NEURL1B: variants seen among roughly 807,000 people sequenced by gnomAD.
NEURL1B encodes the protein E3 ubiquitin-protein ligase NEURL1B.
NEURL1B carries 13 observed loss-of-function variants against 37.4 expected under a neutral mutation model. That is an observed-to-expected ratio of 0.35 (90% CI 0.23 to 0.55). NEURL1B has a LOEUF of 0.55. Among genes scored for constraint, NEURL1B ranks in the 20% least tolerant of loss-of-function variants. The pLI is 0.89. For synonymous variants in NEURL1B, 432 were observed against 426.6 expected (o/e 1.01, Z -0.16); for missense variants, 790 against 879.2 (o/e 0.90, Z 1.28).
intron 1 of NEURL1B, among the ~76,000 whole-genome samples, chr5:172,652,576 C>G (rs1757687508): frequency 6.6e-6 from 1 of 152,158 alleles, no homozygotes; most frequent in Non-Finnish European, 1.5e-5. Context: ...AACGTTGGAC[C>G]AACTACGGCA....
chr5:172,682,925 G>A (rs898942453), intron 2 of NEURL1B, among the ~76,000 whole-genome samples: 1 of 152,220 alleles, frequency 6.6e-6, no homozygotes, highest in Non-Finnish European at 1.5e-5. Flanking sequence ...CAGAGTGGTT[G>A]TGTAAATTAA....
rs1758643926 is a variant in NEURL1B at position 172,691,034 on chromosome 5, C to T, written c.*4109C>T. 2 of 152,172 alleles carry T rather than the reference C, an allele frequency of 1.3e-5. No individual in the cohort carries two copies. Among genetic ancestry groups the T allele is most frequent in the South Asian group, 2.1e-4 (1 of 4,828 alleles). The allele number at this position is 152,172 out of a possible 1,614,324, so 9.4% of individuals were successfully genotyped here. A position where few individuals can be genotyped will look rare whatever the true frequency, so the allele number is the denominator to read the frequency against. ...GAACATGCGGCCTCCTGGCATTTCT[C>T]GGTATTTAACTGTCTCGCTGTCTTA... is the stretch of plus-strand genomic sequence containing the variant. On this transcript the variant is annotated 3_prime_UTR_variant, in exon 5 of 5. Coordinates refer to ENST00000369800, the MANE Select transcript of NEURL1B (RefSeq NM_001142651.3).
intron 1 of NEURL1B, among the ~76,000 whole-genome samples, chr5:172,654,698 A>C (rs1195303397): frequency 6.6e-6 from 1 of 151,240 alleles, no homozygotes; most frequent in Admixed American, 6.6e-5. Flanking sequence ...CTACAGATTG[A>C]ATGTATTTGG....
At position 172,684,192 on chromosome 5, in the gene NEURL1B, G is replaced by T. The variant is rs1224065779; in HGVS notation, c.1297+54G>T. 1.7e-5 allele frequency: 18 copies of T among 1,042,672 alleles called. 1 individual carries two copies. The African/African-American group carries it at 3.3e-4, about 19-fold the overall frequency. 64.6% of individuals were successfully genotyped at this position (1,042,672 alleles called of 1,614,324 possible). A position where few individuals can be genotyped will look rare whatever the true frequency, so the allele number is the denominator to read the frequency against. On this transcript the variant is annotated intron_variant, in intron 3 of 4. Coordinates refer to ENST00000369800, the MANE Select transcript of NEURL1B (RefSeq NM_001142651.3). Reference sequence around the variant, plus strand: ...CCCCGCCCCTCCCCCGTCCCGTGCCGTCTCACCCCGCTGCGCTCTTCCCCG... The same window carrying T: ...CCCCGCCCCTCCCCCGTCCCGTGCCTTCTCACCCCGCTGCGCTCTTCCCCG...
intron 1 of NEURL1B, among the ~76,000 whole-genome samples, chr5:172,646,955 C>T (rs1320080012): frequency 6.6e-6 from 1 of 151,096 alleles, no homozygotes; most frequent in African/African-American, 2.4e-5. Flanking sequence ...AGGCGGGGGC[C>T]GGGGGTAAGA....
In NEURL1B at chr5:172,683,132, G is replaced by T. The variant is rs1347663311; in HGVS notation, c.578-287G>T. Among the ~76,000 whole-genome samples, 1 of 152,136 alleles carries T rather than the reference G, an allele frequency of 6.6e-6. No homozygotes were observed. The highest frequency in any genetic ancestry group is 1.5e-5 in the Non-Finnish European group (1 of 68,016). On this transcript the variant is annotated intron_variant, in intron 2 of 4. Coordinates refer to ENST00000369800, the MANE Select transcript of NEURL1B (RefSeq NM_001142651.3). This position sits in a 1 kb window ranked among gnomAD's most constrained non-coding sequence, Gnocchi z 5.6. ...AAGGGTGGAGAGAAAAGGAGGGATG[G>T]AAGAAGAGAAAGGAGGAGGCAGGGG...
At chr5:172,653,490 T>C (rs1757706897) in intron 1 of NEURL1B, among the ~76,000 whole-genome samples, 1 of 152,220 alleles carries the variant, frequency 6.6e-6, no homozygotes, top group Non-Finnish European at 1.5e-5. Context: ...TTATAATTTT[T>C]GTTAAAGAGC....
rs1757575366 is a variant in NEURL1B at position 172,647,141 on chromosome 5, C to T, written c.31+5704C>T. Among the ~76,000 whole-genome samples the T allele has an allele frequency of 6.6e-6, 1 of 152,200 alleles. No individual in the cohort carries two copies. The highest frequency in any genetic ancestry group is 2.4e-5 in the African/African-American group (1 of 41,436). Reference sequence around the variant, plus strand: ...TCTCCCCCATGGAGAAGAGTCAGCTCTGCCTCTCTTTTGGACCAAAGGGCT... The same window carrying T: ...TCTCCCCCATGGAGAAGAGTCAGCTTTGCCTCTCTTTTGGACCAAAGGGCT... On this transcript the variant is annotated intron_variant, in intron 1 of 4. Transcript: ENST00000369800. The surrounding 1 kb of genome is among the most constrained non-coding windows in gnomAD (Gnocchi z 4.2).
At position 172,673,567 on chromosome 5, in the gene NEURL1B, AC is replaced by A. The variant is rs1402307568; in HGVS notation, c.577+3240del. Reference sequence around the variant, plus strand: ...AATCAAGCAAATAAAAATATAGGACACCCAGTTACATTGGAATTTCAGATAA... The same window carrying A: ...AATCAAGCAAATAAAAATATAGGACACCAGTTACATTGGAATTTCAGATAA... On this transcript the variant is annotated intron_variant, in intron 2 of 4. Coordinates refer to ENST00000369800, the MANE Select transcript of NEURL1B (RefSeq NM_001142651.3). Among the ~76,000 whole-genome samples, 5 of 152,112 alleles carry A rather than the reference AC, an allele frequency of 3.3e-5. No homozygotes were observed. The East Asian group carries it at 9.7e-4, about 29-fold the overall frequency.
At chr5:172,648,309 G>A (rs1045095548) in intron 1 of NEURL1B, among the ~76,000 whole-genome samples, 2 of 152,218 alleles carry the variant, frequency 1.3e-5, no homozygotes, top group Non-Finnish European at 2.9e-5. Flanking sequence ...TGTATTCACT[G>A]GGAGATGAGC....
Position 172,686,535 on chromosome 5 carries a change from A to G in NEURL1B, c.1424-146A>G. ...AGTAGAAGAGTAGAGAAAGGTGCAA[A>G]ACCTGCAAGGTAAACTCAAATTAGT... is the stretch of plus-strand genomic sequence containing the variant. On this transcript the variant is annotated intron_variant, in intron 4 of 4. Transcript: ENST00000369800. The surrounding 1 kb of genome is among the most constrained non-coding windows in gnomAD (Gnocchi z 7.9). 2 of 1,043,232 alleles carry G rather than the reference A, an allele frequency of 1.9e-6. No homozygotes were observed. The allele number at this position is 1,043,232 out of a possible 1,614,324, so 64.6% of individuals were successfully genotyped here.
intron 1 of NEURL1B, among the ~76,000 whole-genome samples, chr5:172,654,734 G>A (rs970348477): frequency 6.6e-6 from 1 of 152,128 alleles, no homozygotes; most frequent in Admixed American, 6.5e-5. Flanking sequence ...CTGGGTTAGG[G>A]ATTTTTGATA....
At position 172,652,889 on chromosome 5, in the gene NEURL1B, G is replaced by C. The variant is rs145355257; in HGVS notation, c.31+11452G>C. 5.7e-3 allele frequency among the ~76,000 whole-genome samples: 868 copies of C among 152,330 alleles called. 8 individuals are homozygous for C. The highest frequency in any genetic ancestry group is 0.02 in the African/African-American group (829 of 41,566). On this transcript the variant is annotated intron_variant, in intron 1 of 4. Transcript: ENST00000369800. The stretch of plus-strand genomic sequence containing the variant: ...GAATCAAGAGTTTAGCTTTAGTCTG[G>C]AAGGGTTTTCCCCTGGGACTATGGC...
intron 2 of NEURL1B, among the ~76,000 whole-genome samples, chr5:172,682,859 T>A (rs1758385737): frequency 6.6e-6 from 1 of 152,166 alleles, no homozygotes; most frequent in Non-Finnish European, 1.5e-5. Context: ...CCCCAACCCC[T>A]CTGTGCCTCA....
intron 1 of NEURL1B, among the ~76,000 whole-genome samples, chr5:172,649,976 A>T (rs1757631775): frequency 6.6e-6 from 1 of 152,090 alleles, no homozygotes; most frequent in Non-Finnish European, 1.5e-5. Context: ...AAGGGGGGGA[A>T]AGTTCTTTAA....
At chr5:172,663,154 C>T (rs1757936030) in intron 1 of NEURL1B, among the ~76,000 whole-genome samples, 1 of 151,202 alleles carries the variant, frequency 6.6e-6, no homozygotes, top group Admixed American at 6.6e-5. Context: ...TTTGAGGCTG[C>T]AGTGAGCTGT....
rs1394890761 is a variant in NEURL1B at position 172,687,723 on chromosome 5, A to T, written c.*798A>T. 2 of 151,984 alleles carry T rather than the reference A, an allele frequency of 1.3e-5. No individual in the cohort carries two copies. The highest frequency in any genetic ancestry group is 2.9e-5 in the Non-Finnish European group (2 of 68,014). 9.4% of individuals were successfully genotyped at this position (151,984 alleles called of 1,614,324 possible). A position where few individuals can be genotyped will look rare whatever the true frequency, so the allele number is the denominator to read the frequency against. On this transcript the variant is annotated 3_prime_UTR_variant, in exon 5 of 5. Coordinates refer to ENST00000369800, the MANE Select transcript of NEURL1B (RefSeq NM_001142651.3). The stretch of plus-strand genomic sequence containing the variant: ...CATCATACCTTGTCTCCGTCTCTGG[A>T]GGCAAGTCTCTGTAATGCCCTTCCC...
intron 2 of NEURL1B, among the ~76,000 whole-genome samples, chr5:172,680,550 CA>C (rs900178309): frequency 4.0e-5 from 6 of 151,874 alleles, no homozygotes; most frequent in African/African-American, 9.7e-5. Flanking sequence ...AATGCCTTTT[CA>C]AAAAAAGTGC....
At chr5:172,663,229 A>G (rs1195736701) in intron 1 of NEURL1B, among the ~76,000 whole-genome samples, 1 of 151,840 alleles carries the variant, frequency 6.6e-6, no homozygotes, top group African/African-American at 2.4e-5. Context: ...AAACTTAAAA[A>G]GCCATGGGAT....
Sources: gnomAD v4.1 joint callset for allele counts (sites outside exome capture counted in the v4.1 genomes callset) on GRCh38, gnomAD v4.1.1 for gene constraint, Gnocchi (gnomAD v3.1) non-coding constraint, MANE v1.5 for transcripts, NCBI Gene and HGNC (gene_info 2026-07-23, HGNC 2026-07-21) for gene names.